GAS7: variants seen among roughly 807,000 people sequenced by gnomAD.
GAS7 encodes the protein growth arrest specific 7.
In GAS7, 28 loss-of-function variants were observed where a neutral mutation model predicts 71.1. The observed-to-expected ratio is 0.39, with a 90% CI of 0.29 to 0.54. The LOEUF (loss-of-function observed/expected upper bound fraction) is 0.54, where lower values mean the gene tolerates loss of function less well. Among genes scored for constraint, GAS7 ranks in the 20% least tolerant of loss-of-function variants. The pLI is 0.62. For missense variants in GAS7, 436 were observed against 627.8 expected, an observed-to-expected ratio of 0.69 and a Z score of 3.27; for synonymous variants, 258 against 245.8, an observed-to-expected ratio of 1.05 and a Z score of -0.46.
In GAS7 at chr17:10,062,856, C is replaced by A. The variant is rs763801658; in HGVS notation, c.184-42959G>T. 3.2e-4 allele frequency among the ~76,000 whole-genome samples: 49 copies of A among 152,228 alleles called. 1 individual carries two copies. The highest frequency in any genetic ancestry group is 2.6e-4 in the Admixed American group (4 of 15,276). On this transcript the variant is annotated intron_variant, in intron 1 of 13. Coordinates refer to ENST00000432992, the MANE Select transcript of GAS7 (RefSeq NM_201433.2). ...TAATGACCCTGCAGATCTCAGCTCC[C>A]ACCGCAAATGCCCTCTCACCCCCCA...
At position 9,974,245 on chromosome 17, in the gene GAS7, C is replaced by T. The variant is rs777393303; in HGVS notation, c.386-4483G>A. On this transcript the variant is annotated intron_variant, in intron 3 of 13. Transcript: ENST00000432992. This position sits in a 1 kb window ranked among gnomAD's most constrained non-coding sequence, Gnocchi z 4.0. ...TCTCCTCGGACACCCTGTCTGGCTG[C>T]GTTATCACTTGAAGTCTCCCGGGCA... Among the ~76,000 whole-genome samples, 7 of 152,176 alleles carry T rather than the reference C, an allele frequency of 4.6e-5. No individual in the cohort carries two copies. Among genetic ancestry groups the T allele is most frequent in the East Asian group, 1.9e-4 (1 of 5,200 alleles).
At position 10,103,552 on chromosome 17, in the gene GAS7, G is replaced by A. The variant is rs1028021758; in HGVS notation, c.184-83655C>T. 6.6e-5 allele frequency among the ~76,000 whole-genome samples: 10 copies of A among 152,104 alleles called. No individual in the cohort carries two copies. The highest frequency in any genetic ancestry group is 4.2e-4 in the South Asian group (2 of 4,816). On this transcript the variant is annotated intron_variant, in intron 1 of 13. Transcript: ENST00000432992. This position sits in a 1 kb window ranked among gnomAD's most constrained non-coding sequence, Gnocchi z 5.5. ...AAAGATAGGAACAACCCGGCCAGGC[G>A]CGATGGCTCCCACCTGTAATCCCAG...
chr17:10,170,213 T>C (rs2074325892), intron 1 of GAS7, among the ~76,000 whole-genome samples: 1 of 151,266 alleles, frequency 6.6e-6, no homozygotes, highest in African/African-American at 2.4e-5. Flanking sequence ...CTTGTAAACA[T>C]CCAGCTGGCT....
At position 9,972,463 on chromosome 17, in the gene GAS7, G is replaced by T. The variant is rs1292217266; in HGVS notation, c.386-2701C>A. ...GCTGAAAAACCTAAAGACAACAGAAGAAAACCTCAGGACACTGCTTTCAGT... is the reference window on the plus strand; with the variant it reads ...GCTGAAAAACCTAAAGACAACAGAATAAAACCTCAGGACACTGCTTTCAGT... On this transcript the variant is annotated intron_variant, in intron 3 of 13. Transcript: ENST00000432992. Among the ~76,000 whole-genome samples, 8 of 152,154 alleles carry T rather than the reference G, an allele frequency of 5.3e-5. No homozygotes were observed. In the South Asian group the frequency reaches 1.7e-3, roughly 32 times the overall value.
chr17:10,057,717 C>T (rs1477054761), intron 1 of GAS7, among the ~76,000 whole-genome samples: 2 of 152,230 alleles, frequency 1.3e-5, no homozygotes, highest in Admixed American at 6.5e-5. Flanking sequence ...TGAGGAGCCC[C>T]TCTGCCTGGC....
At chr17:9,982,637 C>A (rs1029174313) in intron 2 of GAS7, among the ~76,000 whole-genome samples, 1 of 151,780 alleles carries the variant, frequency 6.6e-6, no homozygotes, top group Admixed American at 6.6e-5. Context: ...ATTAGCCAGG[C>A]GTGGTGGCAC....
In GAS7 at chr17:9,917,933, G is replaced by A. The variant is rs1053669532; in HGVS notation, c.1317+68C>T. Reference sequence around the variant, plus strand: ...TTGCAGCAGCCACTTAACCTGCCACGGCCTAGCGCCAGGCGGCTCTCCCCA... The same window carrying A: ...TTGCAGCAGCCACTTAACCTGCCACAGCCTAGCGCCAGGCGGCTCTCCCCA... On this transcript the variant is annotated intron_variant, in intron 13 of 13. Transcript: ENST00000432992. The A allele has an allele frequency of 3.0e-5, 34 of 1,135,222 alleles. No homozygotes were observed. In the East Asian group the frequency reaches 3.4e-4, roughly 11 times the overall value. The allele number at this position is 1,135,222 out of a possible 1,614,324, so 70.3% of individuals were successfully genotyped here.
chr17:10,146,706 C>CG (rs1597818881), intron 1 of GAS7, among the ~76,000 whole-genome samples: 2 of 152,254 alleles, frequency 1.3e-5, no homozygotes, highest in East Asian at 1.9e-4. Flanking sequence ...GATCTCTGGC[C>CG]GGGCGCGGTG....
At chr17:10,169,588 C>G (rs1354030219) in intron 1 of GAS7, among the ~76,000 whole-genome samples, 1 of 152,108 alleles carries the variant, frequency 6.6e-6, no homozygotes, top group Non-Finnish European at 1.5e-5. Flanking sequence ...TTCACTGAAC[C>G]CAGGGAGAAC....
intron 1 of GAS7, among the ~76,000 whole-genome samples, chr17:10,045,652 G>C (rs1254582990): frequency 6.6e-6 from 1 of 152,160 alleles, no homozygotes; most frequent in East Asian, 1.9e-4. Context: ...AGCTGAGATC[G>C]CGCCATTGCA....
chr17:9,979,081 G>A (rs541097371), intron 3 of GAS7, among the ~76,000 whole-genome samples: 2 of 152,324 alleles, frequency 1.3e-5, no homozygotes, highest in Non-Finnish European at 2.9e-5. Context: ...CCACCCAAAA[G>A]AGGGAGGAAA....
intron 1 of GAS7, among the ~76,000 whole-genome samples, chr17:10,159,824 C>T (rs1157632167): frequency 2.2e-5 from 3 of 138,196 alleles, no homozygotes; most frequent in African/African-American, 5.7e-5. Context: ...CTCACTCTGT[C>T]GCCCAGGCTG....
At chr17:10,004,967 G>A (rs563790931) in intron 2 of GAS7, among the ~76,000 whole-genome samples, 40 of 152,162 alleles carry the variant, frequency 2.6e-4, no homozygotes, top group African/African-American at 7.7e-4. Flanking sequence ...CTGAGATCGC[G>A]CCATTGCACT....
At chr17:10,118,726 A>T (rs1056320192) in intron 1 of GAS7, among the ~76,000 whole-genome samples, 3 of 140,536 alleles carry the variant, frequency 2.1e-5, no homozygotes, top group Non-Finnish European at 4.6e-5. Context: ...AAAAAAAAAA[A>T]GCCCTTGTGT....
intron 9 of GAS7, among the ~76,000 whole-genome samples, chr17:9,932,642 T>C (rs2068250999): frequency 6.6e-6 from 1 of 151,512 alleles, no homozygotes; most frequent in African/African-American, 2.4e-5. Flanking sequence ...TGCCAGGGAG[T>C]GGGGAAGGGA....
intron 5 of GAS7, among the ~76,000 whole-genome samples, chr17:9,957,366 C>A (rs532711115): frequency 2.8e-4 from 43 of 152,294 alleles, no homozygotes; most frequent in African/African-American, 9.9e-4. Context: ...GGTGTGCTGC[C>A]CATCAGGGGC....
chr17:9,953,788 G>C (rs1341435186), intron 5 of GAS7, among the ~76,000 whole-genome samples: 1 of 152,192 alleles, frequency 6.6e-6, no homozygotes, highest in Non-Finnish European at 1.5e-5. Flanking sequence ...TCTCCTCCTT[G>C]CCAGACAGCC....
rs1304917316 is a variant in GAS7 at position 10,103,757 on chromosome 17, C to T, written c.184-83860G>A. 6.6e-6 allele frequency among the ~76,000 whole-genome samples: 1 copy of T among 150,402 alleles called. No individual in the cohort carries two copies. Among genetic ancestry groups the T allele is most frequent in the Non-Finnish European group, 1.5e-5 (1 of 67,642 alleles). ...AGGAGAACTGCTTGAACCTGGGAGGCAGAGGTTGCAGTGAGCCAAGATCTC... is the reference window on the plus strand; with the variant it reads ...AGGAGAACTGCTTGAACCTGGGAGGTAGAGGTTGCAGTGAGCCAAGATCTC... On this transcript the variant is annotated intron_variant, in intron 1 of 13. Transcript: ENST00000432992. This position sits in a 1 kb window ranked among gnomAD's most constrained non-coding sequence, Gnocchi z 5.5.
chr17:10,097,917 G>A (rs117827360), intron 1 of GAS7, among the ~76,000 whole-genome samples: 2,978 of 152,024 alleles, frequency 0.02, 44 homozygotes, highest in Non-Finnish European at 0.028. Context: ...GGTGGCAGGC[G>A]ACTGTAATCC....
Sources: gnomAD v4.1 joint callset for allele counts (sites outside exome capture counted in the v4.1 genomes callset) on GRCh38, gnomAD v4.1.1 for gene constraint, Gnocchi (gnomAD v3.1) non-coding constraint, MANE v1.5 for transcripts, NCBI Gene and HGNC (gene_info 2026-07-23, HGNC 2026-07-21) for gene names.